Variants in ANKS1B observed in about 807,000 individuals in gnomAD.
The protein encoded by ANKS1B is ankyrin repeat and sterile alpha motif domain-containing protein 1B.
A neutral mutation model predicts 148.3 loss-of-function variants in ANKS1B; 36 were observed. That is an observed-to-expected ratio of 0.24 (90% CI 0.19 to 0.32). The LOEUF (loss-of-function observed/expected upper bound fraction) is 0.32. ANKS1B is among the 10% of genes least tolerant of loss of function. The pLI is 1.00. For missense variants in ANKS1B, 1,157 were observed against 1,542.6 expected (o/e 0.75, Z 4.19); for synonymous variants, 542 against 560.8 (o/e 0.97, Z 0.47).
intron 1 of ANKS1B, among the ~76,000 whole-genome samples, chr12:99,897,374 A>T (rs1402337257): frequency 6.6e-6 from 1 of 151,240 alleles, no homozygotes; most frequent in Non-Finnish European, 1.5e-5. Context: ...ATATGTGTGT[A>T]TCTCTCAAAT....
At chr12:98,761,800 A>G (rs1357422273) in intron 25 of ANKS1B, among the ~76,000 whole-genome samples, 1 of 152,210 alleles carries the variant, frequency 6.6e-6, no homozygotes, top group Admixed American at 6.5e-5. Context: ...CATCTGGCGA[A>G]TATGACGAAG....
chr12:99,369,792 G>GATAGATAGATAGATA (rs773691960), intron 12 of ANKS1B, among the ~76,000 whole-genome samples: 1 of 68,502 alleles, frequency 1.5e-5, no homozygotes, highest in East Asian at 1.2e-3. Context: ...ATAGATAGAT[G>GATAGATAGATAGATA]GACGGACGGA....
chr12:99,199,441 A>G (rs2081790042), intron 14 of ANKS1B, among the ~76,000 whole-genome samples: 1 of 152,174 alleles, frequency 6.6e-6, no homozygotes, highest in African/African-American at 2.4e-5. Context: ...GAGTCTTAGA[A>G]GGAAGATAAC....
At chr12:99,115,584 A>G (rs561156891) in intron 15 of ANKS1B, among the ~76,000 whole-genome samples, 1 of 151,932 alleles carries the variant, frequency 6.6e-6, no homozygotes, top group African/African-American at 2.4e-5. Context: ...TAGTTTACCT[A>G]TGTAACAAAC....
At chr12:99,083,244 T>C (rs184734864) in intron 16 of ANKS1B, among the ~76,000 whole-genome samples, 2 of 152,304 alleles carry the variant, frequency 1.3e-5, no homozygotes, top group East Asian at 1.9e-4. Flanking sequence ...GGAGAAAGTA[T>C]AGCCTCTCTA....
intron 15 of ANKS1B, among the ~76,000 whole-genome samples, chr12:99,087,833 CA>C (rs2052472854): frequency 6.6e-6 from 1 of 152,168 alleles, no homozygotes; most frequent in African/African-American, 2.4e-5. Flanking sequence ...GTAATCCTGA[CA>C]ACTGGATTTC....
At chr12:99,048,528 T>A (rs1167024681) in intron 17 of ANKS1B, among the ~76,000 whole-genome samples, 1 of 152,216 alleles carries the variant, frequency 6.6e-6, no homozygotes, top group African/African-American at 2.4e-5. Context: ...TTACTTCCAA[T>A]GACATTTTAG....
chr12:99,800,865 A>T (rs1446207244), intron 4 of ANKS1B, among the ~76,000 whole-genome samples: 1 of 152,116 alleles, frequency 6.6e-6, no homozygotes, highest in South Asian at 2.1e-4. Context: ...TAAAGATGAT[A>T]TTGGAACTCA....
chr12:99,898,088 T>C (rs2093451334), intron 1 of ANKS1B, among the ~76,000 whole-genome samples: 1 of 152,168 alleles, frequency 6.6e-6, no homozygotes, highest in African/African-American at 2.4e-5. Context: ...CCCATAAGGC[T>C]AAACAAATAT....
At chr12:98,796,191 G>A (rs912753003) in intron 22 of ANKS1B, among the ~76,000 whole-genome samples, 4 of 152,226 alleles carry the variant, frequency 2.6e-5, no homozygotes, top group African/African-American at 9.6e-5. Context: ...TACATTTAAG[G>A]AAACATTGAT....
rs187952921 is a variant in ANKS1B, at chr12:99,597,143, A to G, written c.1272+57924T>C. 1.0e-3 allele frequency among the ~76,000 whole-genome samples: 155 copies of G among 152,018 alleles called. 1 individual carries two copies. The highest frequency in any genetic ancestry group is 3.6e-3 in the African/African-American group (151 of 41,514). On this transcript the variant is annotated intron_variant, in intron 9 of 26. Transcript: ENST00000683438. Reference sequence around the variant, plus strand: ...GTCATTAAAATTACATTATAATTGTAATCTGTATTGCTCTAATGACTAGTG... The same window carrying G: ...GTCATTAAAATTACATTATAATTGTGATCTGTATTGCTCTAATGACTAGTG...
At chr12:99,225,882 G>A (rs1247328218) in intron 14 of ANKS1B, among the ~76,000 whole-genome samples, 2 of 152,182 alleles carry the variant, frequency 1.3e-5, no homozygotes, top group Non-Finnish European at 2.9e-5. Flanking sequence ...GTGATCATGT[G>A]AGTCAATATT....
intron 25 of ANKS1B, among the ~76,000 whole-genome samples, chr12:98,768,509 C>G (rs1022589521): frequency 7.0e-6 from 1 of 142,380 alleles, no homozygotes; most frequent in East Asian, 2.2e-4. Flanking sequence ...CCGAGGCGGG[C>G]GGATCACAAG....
chr12:99,358,580 T>C (rs1183099335), intron 12 of ANKS1B, among the ~76,000 whole-genome samples: 1 of 152,142 alleles, frequency 6.6e-6, no homozygotes, highest in East Asian at 1.9e-4. Context: ...CATGGATATC[T>C]AGACCCTACT....
At chr12:99,404,871 T>A (rs1228281081) in intron 11 of ANKS1B, among the ~76,000 whole-genome samples, 1 of 145,516 alleles carries the variant, frequency 6.9e-6, no homozygotes, top group Non-Finnish European at 1.5e-5. Flanking sequence ...ACTCTCAAAA[T>A]TCAAGGATAA....
chr12:99,151,894 A>G (rs1350394561), intron 15 of ANKS1B, among the ~76,000 whole-genome samples: 1 of 152,156 alleles, frequency 6.6e-6, no homozygotes, highest in African/African-American at 2.4e-5. Context: ...TCTTGTTCAA[A>G]AACACTAATA....
intron 1 of ANKS1B, among the ~76,000 whole-genome samples, chr12:99,831,700 G>A (rs900016573): frequency 2.0e-5 from 3 of 151,410 alleles, no homozygotes; most frequent in Admixed American, 6.6e-5. Context: ...CATATGGCTT[G>A]AGCTCCTACT....
At chr12:99,300,432 T>C (rs2081442947) in intron 12 of ANKS1B, among the ~76,000 whole-genome samples, 1 of 151,792 alleles carries the variant, frequency 6.6e-6, no homozygotes, top group African/African-American at 2.4e-5. Context: ...TTATTGAATA[T>C]CCACTAAGTT....
chr12:99,531,933 T>G (rs1413826619), intron 9 of ANKS1B, among the ~76,000 whole-genome samples: 1 of 152,228 alleles, frequency 6.6e-6, no homozygotes, highest in Non-Finnish European at 1.5e-5. Context: ...GTGGTTTTAA[T>G]TTGCATTTCT....
Sources: allele counts gnomAD v4.1 joint callset (sites outside exome capture counted in the v4.1 genomes callset), GRCh38; gene constraint gnomAD v4.1.1; transcripts MANE v1.5; gene names NCBI Gene and HGNC (gene_info 2026-07-23, HGNC 2026-07-21).